PLXNA4: variants seen among roughly 807,000 people sequenced by gnomAD.
The protein encoded by PLXNA4 is plexin-A4.
In PLXNA4, 44 loss-of-function variants were observed where a neutral mutation model predicts 191.8. The ratio of observed to expected loss-of-function variants is 0.23; its 90% CI spans 0.18 to 0.29. PLXNA4 has a LOEUF of 0.29. PLXNA4 is among the 10% of genes least tolerant of loss of function. PLXNA4 has a pLI of 1.00. For synonymous variants in PLXNA4, 1,082 were observed against 1,009.5 expected (o/e 1.07, Z -1.36); for missense variants, 1,800 against 2,488.8 (o/e 0.72, Z 5.89).
chr7:132,623,964 G>A (rs1803322365), intron 2 of PLXNA4, among the ~76,000 whole-genome samples: 1 of 152,196 alleles, frequency 6.6e-6, no homozygotes, highest in African/African-American at 2.4e-5. Flanking sequence ...AAAGAATAAA[G>A]GAAGCTTAGT....
chr7:132,376,101 G>T (rs933137262), intron 3 of PLXNA4, among the ~76,000 whole-genome samples: 31 of 152,164 alleles, frequency 2.0e-4, no homozygotes, highest in Non-Finnish European at 4.4e-5. Context: ...CCATGGTGTT[G>T]TTGTGAGAAT....
intron 3 of PLXNA4, among the ~76,000 whole-genome samples, chr7:132,380,037 TCAC>T (rs1188789638): frequency 1.3e-5 from 2 of 152,214 alleles, no homozygotes; most frequent in Non-Finnish European, 2.9e-5. Flanking sequence ...GAGGCAGGGC[TCAC>T]CACATTTTAT....
At chr7:132,168,195 T>C in intron 22 of PLXNA4, 109 bp downstream of exon 22, 1 of 1,379,426 alleles carries the variant, frequency 7.2e-7, no homozygotes, top group East Asian at 2.7e-5. Flanking sequence ...TGACTTGAAC[T>C]TGGGAACATG....
intron 3 of PLXNA4, among the ~76,000 whole-genome samples, chr7:132,379,405 C>G (rs1214554987): frequency 6.6e-6 from 1 of 152,202 alleles, no homozygotes; most frequent in Admixed American, 6.5e-5. Flanking sequence ...TACAAAACCC[C>G]TGGAGGAGGG....
intron 2 of PLXNA4, among the ~76,000 whole-genome samples, chr7:132,586,985 G>C (rs747749629): frequency 6.2e-4 from 94 of 152,192 alleles, no homozygotes; most frequent in Non-Finnish European, 1.1e-3. Flanking sequence ...TGAATCAATA[G>C]TGAAATACTG....
At chr7:132,532,516 T>G (rs1366266415) in intron 1 of PLXNA4, among the ~76,000 whole-genome samples, 3 of 152,188 alleles carry the variant, frequency 2.0e-5, no homozygotes, top group Non-Finnish European at 4.4e-5. Flanking sequence ...CTGCCTTGTT[T>G]GAAAAAATAT....
At chr7:132,463,281 G>C (rs981210951) in intron 3 of PLXNA4, among the ~76,000 whole-genome samples, 4 of 152,182 alleles carry the variant, frequency 2.6e-5, no homozygotes, top group Admixed American at 2.0e-4. Context: ...ATCCAGCACA[G>C]GTTAGGTTTG....
intron 29 of PLXNA4, among the ~76,000 whole-genome samples, chr7:132,144,267 T>C (rs1206027879): frequency 6.6e-6 from 1 of 152,222 alleles, no homozygotes; most frequent in Non-Finnish European, 1.5e-5. Context: ...TGGCTCTGCA[T>C]CTCATCAATA....
chr7:132,334,864 G>C (rs1802756770), intron 3 of PLXNA4, among the ~76,000 whole-genome samples: 1 of 152,180 alleles, frequency 6.6e-6, no homozygotes, highest in African/African-American at 2.4e-5. Context: ...TCTCCCCAGG[G>C]TCTAATCATA....
chr7:132,257,069 A>G (rs1340412505), intron 4 of PLXNA4, among the ~76,000 whole-genome samples: 1 of 152,238 alleles, frequency 6.6e-6, no homozygotes, highest in East Asian at 1.9e-4. Flanking sequence ...GCTCAAGGTC[A>G]CGCAGCCTGT....
At chr7:132,278,918 G>T (rs570732454) in intron 4 of PLXNA4, among the ~76,000 whole-genome samples, 92 of 152,120 alleles carry the variant, frequency 6.0e-4, no homozygotes, top group Non-Finnish European at 8.7e-4. Context: ...ACTTTCACAC[G>T]TCAGGGCTTC....
intron 1 of PLXNA4, among the ~76,000 whole-genome samples, chr7:132,532,203 G>T (rs1422617291): frequency 1.3e-5 from 2 of 152,206 alleles, no homozygotes; most frequent in African/African-American, 4.8e-5. Flanking sequence ...ACTGGCACTT[G>T]TGCCAAAGAA....
At chr7:132,224,916 C>T (rs1379563656) in intron 8 of PLXNA4, among the ~76,000 whole-genome samples, 2 of 152,172 alleles carry the variant, frequency 1.3e-5, no homozygotes, top group African/African-American at 4.8e-5. Flanking sequence ...GCATGGAGGG[C>T]AAAACAGGAG....
chr7:132,181,983 G>A (rs773656889), intron 17 of PLXNA4, 114 bp downstream of exon 17: 7 of 1,533,278 alleles, frequency 4.6e-6, no homozygotes, highest in South Asian at 1.2e-5. Context: ...TCAGGCTGTG[G>A]GTTATCAGTG....
At chr7:132,443,883 T>C (rs976901013) in intron 3 of PLXNA4, among the ~76,000 whole-genome samples, 1 of 152,168 alleles carries the variant, frequency 6.6e-6, no homozygotes, top group South Asian at 2.1e-4. Flanking sequence ...AATAGACCAA[T>C]CCCATCAGTG....
intron 1 of PLXNA4, among the ~76,000 whole-genome samples, chr7:132,562,084 C>T (rs1801175297): frequency 8.9e-6 from 1 of 112,132 alleles, no homozygotes; most frequent in Admixed American, 8.6e-5. Context: ...TCCTCCTCCT[C>T]TCCCTCCTCC....
intron 3 of PLXNA4, among the ~76,000 whole-genome samples, chr7:132,363,265 A>G (rs1360024332): frequency 6.6e-6 from 1 of 152,164 alleles, no homozygotes; most frequent in African/African-American, 2.4e-5. Flanking sequence ...GATTACAGGC[A>G]TGAGCCACCG....
intron 3 of PLXNA4, among the ~76,000 whole-genome samples, chr7:132,431,911 A>T (rs1795277787): frequency 6.6e-6 from 1 of 152,100 alleles, no homozygotes; most frequent in South Asian, 2.1e-4. Flanking sequence ...CGAGGATAGG[A>T]CCTCGCCTCT....
At chr7:132,140,531 AC>A in intron 30 of PLXNA4, 67 bp downstream of exon 30, 1 of 1,578,376 alleles carries the variant, frequency 6.3e-7, no homozygotes, top group Non-Finnish European at 8.6e-7. Context: ...TGGGGAGGGG[AC>A]CTTTTGTTGA....
Sources: allele counts gnomAD v4.1 joint callset (sites outside exome capture counted in the v4.1 genomes callset), GRCh38; gene constraint gnomAD v4.1.1; transcripts MANE v1.5; gene names NCBI Gene and HGNC (gene_info 2026-07-23, HGNC 2026-07-21).